The following RANBP17 variants were observed in gnomAD, a reference collection of about 807,000 sequenced individuals.
RANBP17 encodes RAN binding protein 17, also known as ran-binding protein 17.
In RANBP17, 158 loss-of-function variants were observed where a neutral mutation model predicts 141.2. The observed-to-expected ratio is 1.12, with a 90% CI of 0.98 to 1.28. RANBP17 has a LOEUF of 1.28. Ranked by LOEUF, RANBP17 falls within the 50% of genes most tolerant of loss-of-function variation. The pLI is 0.00. For missense variants in RANBP17, 1,438 were observed against 1,290.7 expected (o/e 1.11, Z -1.75); for synonymous variants, 430 against 450.0 (o/e 0.96, Z 0.56).
intron 14 of RANBP17, among the ~76,000 whole-genome samples, chr5:171,134,998 G>C (rs1757172201): frequency 6.6e-6 from 1 of 151,824 alleles, no homozygotes; most frequent in African/African-American, 2.4e-5. Context: ...GCTGGGCATG[G>C]TGGCTCACGC....
chr5:171,158,823 T>A (rs1759088186), intron 14 of RANBP17, among the ~76,000 whole-genome samples: 2 of 152,294 alleles, frequency 1.3e-5, no homozygotes, highest in East Asian at 3.9e-4. Flanking sequence ...CATACCACAC[T>A]TTCCAGCAGG....
At chr5:171,084,239 A>G (rs1785473313) in intron 14 of RANBP17, among the ~76,000 whole-genome samples, 2 of 149,246 alleles carry the variant, frequency 1.3e-5, no homozygotes, top group South Asian at 2.2e-4. Context: ...GCGATAGTTT[A>G]CTGAGAATGA....
intron 14 of RANBP17, among the ~76,000 whole-genome samples, chr5:171,081,224 CTTATT>C (rs1038287760): frequency 1.3e-5 from 2 of 152,136 alleles, no homozygotes; most frequent in African/African-American, 4.8e-5. Context: ...AGTGGTATCT[CTTATT>C]TTCTTTCTCC....
chr5:170,915,430 C>G (rs771538087), intron 8 of RANBP17, among the ~76,000 whole-genome samples: 2 of 152,096 alleles, frequency 1.3e-5, no homozygotes, highest in African/African-American at 4.8e-5. Flanking sequence ...GAGATTGAAA[C>G]ACAGGTCTTT....
At chr5:170,938,561 TAAAG>T (rs1317418201) in intron 12 of RANBP17, among the ~76,000 whole-genome samples, 34 of 152,104 alleles carry the variant, frequency 2.2e-4, no homozygotes, top group Non-Finnish European at 4.0e-4. Flanking sequence ...GCGAAATAGT[TAAAG>T]AAATAAAAAA....
At chr5:171,099,696 T>C (rs1387954508) in intron 14 of RANBP17, among the ~76,000 whole-genome samples, 1 of 152,216 alleles carries the variant, frequency 6.6e-6, no homozygotes, top group Non-Finnish European at 1.5e-5. Flanking sequence ...TCAAAGGGAA[T>C]GCTTCCAGTT....
chr5:171,113,672 G>A (rs1436846724), intron 14 of RANBP17, among the ~76,000 whole-genome samples: 1 of 152,138 alleles, frequency 6.6e-6, no homozygotes, highest in African/African-American at 2.4e-5. Context: ...AAAAAAAGGA[G>A]CTAGGATTCA....
chr5:171,150,275 T>A (rs1372274009), intron 14 of RANBP17, among the ~76,000 whole-genome samples: 1 of 152,156 alleles, frequency 6.6e-6, no homozygotes, highest in Non-Finnish European at 1.5e-5. Context: ...TTAAATATTA[T>A]ATAATTAAAA....
At chr5:171,220,899 G>A (rs1202515579) in intron 21 of RANBP17, among the ~76,000 whole-genome samples, 1 of 152,118 alleles carries the variant, frequency 6.6e-6, no homozygotes, top group African/African-American at 2.4e-5. Flanking sequence ...CAGCAATCAT[G>A]TTCATAATAA....
At chr5:171,297,001 T>A (rs1476950907) in intron 27 of RANBP17, among the ~76,000 whole-genome samples, 3 of 152,354 alleles carry the variant, frequency 2.0e-5, no homozygotes, top group Admixed American at 6.5e-5. Context: ...GGCAGTTAAC[T>A]TCTCTACTCC....
At chr5:171,271,948 C>T (rs1196561329) in intron 25 of RANBP17, among the ~76,000 whole-genome samples, 1 of 152,080 alleles carries the variant, frequency 6.6e-6, no homozygotes, top group Non-Finnish European at 1.5e-5. Flanking sequence ...AACCTAAATG[C>T]CCATCAGTGG....
chr5:171,172,532 C>T (rs1324652029), intron 16 of RANBP17, among the ~76,000 whole-genome samples: 1 of 149,796 alleles, frequency 6.7e-6, no homozygotes, highest in Non-Finnish European at 1.5e-5. Context: ...AAAAAAAACT[C>T]AACCCATATT....
chr5:170,885,034 G>GCTTAGAC (rs1349392130), intron 3 of RANBP17, among the ~76,000 whole-genome samples: 1 of 152,068 alleles, frequency 6.6e-6, no homozygotes. Flanking sequence ...TGTCTGACAG[G>GCTTAGAC]CTTAGACCTT....
At position 171,291,249 on chromosome 5, in the gene RANBP17, G is replaced by T. The variant is rs568788476; in HGVS notation, c.2944-2634G>T. On this transcript the variant is annotated intron_variant, in intron 25 of 27. Transcript: ENST00000523189. ...TGCCTCAGAAATGGGCCCTTTCCTG[G>T]TATGGCAGAATAGCTGCTCAGGGTA... Among the ~76,000 whole-genome samples the T allele has an allele frequency of 3.3e-5, 5 of 152,316 alleles. No homozygotes were observed. In the East Asian group the frequency reaches 9.6e-4, roughly 29 times the overall value.
At chr5:171,062,503 C>G (rs1226104724) in intron 14 of RANBP17, among the ~76,000 whole-genome samples, 1 of 152,154 alleles carries the variant, frequency 6.6e-6, no homozygotes, top group Admixed American at 6.5e-5. Flanking sequence ...TCTCTTCTGG[C>G]TTGTAGAGTT....
chr5:171,043,844 G>A (rs1051012430), intron 14 of RANBP17, among the ~76,000 whole-genome samples: 1 of 152,052 alleles, frequency 6.6e-6, no homozygotes, highest in Non-Finnish European at 1.5e-5. Context: ...GCCATGGTTT[G>A]GAACTCTAAG....
chr5:171,139,442 A>T (rs1581717050), intron 14 of RANBP17, among the ~76,000 whole-genome samples: 1 of 152,128 alleles, frequency 6.6e-6, no homozygotes, highest in East Asian at 1.9e-4. Context: ...TTCTTTCAGA[A>T]TCCTCAGTGC....
At chr5:170,975,693 G>A (rs1777315718) in intron 14 of RANBP17, among the ~76,000 whole-genome samples, 1 of 152,066 alleles carries the variant, frequency 6.6e-6, no homozygotes, top group South Asian at 2.1e-4. Flanking sequence ...TCTCCCAAAG[G>A]CCCTCTCTCT....
intron 14 of RANBP17, among the ~76,000 whole-genome samples, chr5:170,978,110 AG>A (rs1777515904): frequency 6.6e-6 from 1 of 152,156 alleles, no homozygotes; most frequent in Admixed American, 6.5e-5. Context: ...AAAGGTGTTC[AG>A]TATTATTAGT....
Sources: gnomAD v4.1 joint callset for allele counts (sites outside exome capture counted in the v4.1 genomes callset) on GRCh38, gnomAD v4.1.1 for gene constraint, MANE v1.5 for transcripts, NCBI Gene and HGNC (gene_info 2026-07-23, HGNC 2026-07-21) for gene names.